COL23A1: variants seen among roughly 807,000 people sequenced by gnomAD.
COL23A1 encodes collagen alpha-1(XXIII) chain.
In COL23A1, 97 loss-of-function variants were observed where a neutral mutation model predicts 99.3. The observed-to-expected ratio is 0.98, with a 90% CI of 0.83 to 1.16. COL23A1 has a LOEUF of 1.16. Among genes scored for constraint, COL23A1 ranks in the 50% most tolerant of loss-of-function variants. The probability of loss-of-function intolerance (pLI) is 0.00; values close to 1 mark genes in which losing one functional copy is unlikely to be tolerated. For synonymous variants in COL23A1, 320 were observed against 308.2 expected (o/e 1.04, Z -0.40); for missense variants, 762 against 757.4 (o/e 1.01, Z -0.07).
intron 2 of COL23A1, among the ~76,000 whole-genome samples, chr5:178,345,599 C>A (rs1457227805): frequency 6.6e-6 from 1 of 151,898 alleles, no homozygotes; most frequent in Non-Finnish European, 1.5e-5. Context: ...TCACTGCAAG[C>A]TCCGCCTCCT....
intron 2 of COL23A1, among the ~76,000 whole-genome samples, chr5:178,523,201 T>TATATATATATATATAGAG (rs1223542330): frequency 6.4e-5 from 5 of 77,608 alleles, no homozygotes; most frequent in Non-Finnish European, 1.0e-4. Context: ...TATATATATA[T>TATATATATATATATAGAG]AGAGAGAGAG....
chr5:178,350,438 A>G (rs918468908), intron 2 of COL23A1, among the ~76,000 whole-genome samples: 1 of 152,144 alleles, frequency 6.6e-6, no homozygotes, highest in African/African-American at 2.4e-5. Flanking sequence ...CCAGCACGGC[A>G]TCTAGGGCAG....
intron 2 of COL23A1, among the ~76,000 whole-genome samples, chr5:178,491,190 G>A (rs1757916662): frequency 6.6e-6 from 1 of 151,948 alleles, no homozygotes; most frequent in African/African-American, 2.4e-5. Flanking sequence ...AGAACGAGGA[G>A]GGGGGAGATT....
intron 9 of COL23A1, among the ~76,000 whole-genome samples, chr5:178,262,946 G>A (rs1481152876): frequency 6.6e-6 from 1 of 152,100 alleles, no homozygotes; most frequent in Non-Finnish European, 1.5e-5. Context: ...GACCCAGTTA[G>A]TGTTAGATTT....
chr5:178,583,383 T>A (rs1359049988), intron 1 of COL23A1, among the ~76,000 whole-genome samples: 1 of 152,210 alleles, frequency 6.6e-6, no homozygotes, highest in East Asian at 1.9e-4. Context: ...GCCGGCCTCA[T>A]GTCCTCTCCC....
intron 2 of COL23A1, among the ~76,000 whole-genome samples, chr5:178,547,631 CA>C (rs1761704905): frequency 2.0e-4 from 1 of 4,996 alleles, no homozygotes; most frequent in African/African-American, 6.1e-4. Context: ...CACCCACCCA[CA>C]CCCCCCCACA....
intron 2 of COL23A1, among the ~76,000 whole-genome samples, chr5:178,339,522 A>G (rs1760533528): frequency 6.6e-6 from 1 of 152,236 alleles, no homozygotes; most frequent in Admixed American, 6.5e-5. Context: ...CCATGAGGGG[A>G]TGGCGTGGGA....
At chr5:178,284,784 T>C (rs1757071273) in intron 5 of COL23A1, among the ~76,000 whole-genome samples, 1 of 152,196 alleles carries the variant, frequency 6.6e-6, no homozygotes, top group African/African-American at 2.4e-5. Flanking sequence ...CAAAAAAGTA[T>C]GTCCAATGTA....
At chr5:178,287,568 G>A (rs976484545) in intron 5 of COL23A1, among the ~76,000 whole-genome samples, 5 of 152,018 alleles carry the variant, frequency 3.3e-5, no homozygotes, top group African/African-American at 1.2e-4. Flanking sequence ...GGGGACCACC[G>A]CTCTCTATCA....
chr5:178,410,410 C>A (rs1316864807), intron 2 of COL23A1, among the ~76,000 whole-genome samples: 2 of 152,106 alleles, frequency 1.3e-5, no homozygotes, highest in Admixed American at 1.3e-4. Flanking sequence ...GCTTGAATAG[C>A]CAAAATAATC....
intron 2 of COL23A1, among the ~76,000 whole-genome samples, chr5:178,441,713 G>A (rs72648835): frequency 0.1 from 15,475 of 152,094 alleles, 1,779 homozygotes; most frequent in East Asian, 0.36. Flanking sequence ...ACGACACGGG[G>A]TGACGACGCG....
intron 5 of COL23A1, 137 bp from the exon 6 acceptor site, chr5:178,270,500 C>A: frequency 9.8e-7 from 1 of 1,020,420 alleles, no homozygotes. Context: ...GTCCATGTGG[C>A]CTGGGGCTGA....
chr5:178,332,215 ACACCTGGATGCTTTCCACAGCGCAAGCCC>A (rs1468199619), intron 2 of COL23A1, among the ~76,000 whole-genome samples: 1 of 152,088 alleles, frequency 6.6e-6, no homozygotes, highest in South Asian at 2.1e-4. Flanking sequence ...CACCCTCTCC[ACACCTGGATGCTTTCCACAGCGCAAGCCC>A]CACCTTCCAG....
intron 5 of COL23A1, among the ~76,000 whole-genome samples, chr5:178,273,752 G>T (rs1053767778): frequency 6.6e-6 from 1 of 152,256 alleles, no homozygotes; most frequent in African/African-American, 2.4e-5. Flanking sequence ...AGCTTTCTGT[G>T]TGGGGCAGTG....
At chr5:178,285,794 C>T (rs1757117503) in intron 5 of COL23A1, among the ~76,000 whole-genome samples, 1 of 152,258 alleles carries the variant, frequency 6.6e-6, no homozygotes, top group Non-Finnish European at 1.5e-5. Context: ...CCACATGGAG[C>T]CATCTGCAAA....
At chr5:178,320,590 G>C (rs984363851) in intron 2 of COL23A1, among the ~76,000 whole-genome samples, 3 of 152,190 alleles carry the variant, frequency 2.0e-5, no homozygotes, top group African/African-American at 7.2e-5. Flanking sequence ...TGAAAGATTG[G>C]GGGGCTTGAG....
chr5:178,570,687 G>A (rs1763049067), intron 1 of COL23A1, among the ~76,000 whole-genome samples: 1 of 152,166 alleles, frequency 6.6e-6, no homozygotes, highest in African/African-American at 2.4e-5. Context: ...GGCAAGGACA[G>A]TGATCTTTGA....
At chr5:178,393,813 G>C (rs1764093209) in intron 2 of COL23A1, among the ~76,000 whole-genome samples, 1 of 151,936 alleles carries the variant, frequency 6.6e-6, no homozygotes, top group African/African-American at 2.4e-5. Context: ...TTTTTGTACA[G>C]ATGGGGTTTC....
At chr5:178,519,357 G>T (rs1759815782) in intron 2 of COL23A1, among the ~76,000 whole-genome samples, 1 of 152,232 alleles carries the variant, frequency 6.6e-6, no homozygotes, top group South Asian at 2.1e-4. Flanking sequence ...CTGCTGTGGG[G>T]TGTGCAGACT....
Sources: gnomAD v4.1 joint callset for allele counts (sites outside exome capture counted in the v4.1 genomes callset) on GRCh38, gnomAD v4.1.1 for gene constraint, MANE v1.5 for transcripts, NCBI Gene and HGNC (gene_info 2026-07-23, HGNC 2026-07-21) for gene names.